The following OR10R2 variants were observed in gnomAD, a reference collection of about 807,000 sequenced individuals.
The protein encoded by OR10R2 is olfactory receptor family 10 subfamily R member 2, also known as olfactory receptor 10R2.
A neutral mutation model predicts 2.4 loss-of-function variants in OR10R2; 1 was observed. That is an observed-to-expected ratio of 0.41 (90% CI 0.15 to 1.95). The LOEUF is 1.95. Among genes scored for constraint, OR10R2 ranks in the 30% most tolerant of loss-of-function variants. The pLI is 0.30. For missense variants in OR10R2, 419 were observed against 373.0 expected, an observed-to-expected ratio of 1.12 and a Z score of -1.01; for synonymous variants, 166 against 144.8, an observed-to-expected ratio of 1.15 and a Z score of -1.05.
chr1:158,472,920 T>C (rs1480726724), intron 1 of OR10R2, among the ~76,000 whole-genome samples: 1 of 152,224 alleles, frequency 6.6e-6, no homozygotes, highest in Non-Finnish European at 1.5e-5. Context: ...AATTCTGGGC[T>C]ACATTTTTTA....
At chr1:158,474,527 A>G (rs899198327) in intron 1 of OR10R2, 1 of 152,236 alleles carries the variant, frequency 6.6e-6, no homozygotes, top group Admixed American at 6.5e-5. Context: ...TTCTGGCTCT[A>G]GAGAGGAATC....
intron 1 of OR10R2, among the ~76,000 whole-genome samples, chr1:158,476,249 TA>T (rs76215055): frequency 1.3e-5 from 2 of 152,208 alleles, no homozygotes; most frequent in South Asian, 2.1e-4. Flanking sequence ...CTATATTTTT[TA>T]AAAAAAATTT....
chr1:158,472,258 C>T (rs1656179832), exon 1 of OR10R2: 1 of 398,602 alleles, frequency 2.5e-6, no homozygotes. Flanking sequence ...TAATGTGAAC[C>T]AGAAAAAAAG....
chr1:158,480,577 A>G (rs762191293), exon 2 of OR10R2: 1 of 1,613,424 alleles, frequency 6.2e-7, no homozygotes, highest in African/African-American at 1.3e-5. Context: ...CTTTCTGTTT[A>G]TCTGTGTTTC....
intron 1 of OR10R2, 114 bp downstream of exon 1, chr1:158,472,466 G>C (rs138201625): frequency 0.014 from 5,510 of 397,634 alleles, 76 homozygotes; most frequent in South Asian, 0.077. Flanking sequence ...TAAAGGGCCT[G>C]GGCCATGATT....
At chr1:158,474,243 C>A (rs192730518) in intron 1 of OR10R2, among the ~76,000 whole-genome samples, 1 of 152,192 alleles carries the variant, frequency 6.6e-6, no homozygotes, top group African/African-American at 2.4e-5. Flanking sequence ...CAATGCCATG[C>A]CTCCTATTCT....
chr1:158,476,696 A>T lies in OR10R2; in HGVS notation c.28-3242A>T, dbSNP rs186945351. On this transcript the variant is annotated intron_variant, in intron 1 of 1. Coordinates refer to ENST00000641067, the Ensembl canonical transcript of OR10R2. ...GATCAATGTTTGTGAGCACTTGGAT[A>T]GTCATGAATATGAATAAGATGAAAG... Among the ~76,000 whole-genome samples the T allele has an allele frequency of 3.8e-3, 580 of 152,328 alleles. 3 individuals carry two copies. The highest frequency in any genetic ancestry group is 0.013 in the African/African-American group (547 of 41,588).
At chr1:158,479,077 A>G (rs1366552670) in intron 1 of OR10R2, among the ~76,000 whole-genome samples, 1 of 152,178 alleles carries the variant, frequency 6.6e-6, no homozygotes, top group Non-Finnish European at 1.5e-5. Flanking sequence ...TCTATCAACA[A>G]TCTTCAAAGA....
intron 1 of OR10R2, among the ~76,000 whole-genome samples, chr1:158,473,277 A>AAAAACT (rs1207189923): frequency 6.6e-6 from 1 of 152,194 alleles, no homozygotes; most frequent in Non-Finnish European, 1.5e-5. Flanking sequence ...TGATACGGAA[A>AAAAACT]CTTTTGTCAA....
chr1:158,479,563 T>C (rs929622000), intron 1 of OR10R2, among the ~76,000 whole-genome samples: 4 of 152,198 alleles, frequency 2.6e-5, no homozygotes, highest in Non-Finnish European at 5.9e-5. Context: ...AAGATGTCTA[T>C]GTTTTAATCA....
chr1:158,480,034 T>C, exon 2 of OR10R2: 1 of 1,614,120 alleles, frequency 6.2e-7, no homozygotes, highest in African/African-American at 1.3e-5. Flanking sequence ...AGTTTTTCTT[T>C]TTCTGTATCT....
intron 1 of OR10R2, among the ~76,000 whole-genome samples, chr1:158,477,556 A>G (rs1368188085): frequency 6.6e-6 from 1 of 152,182 alleles, no homozygotes; most frequent in South Asian, 2.1e-4. Context: ...TATTTGAATA[A>G]CCACAAAGAA....
At chr1:158,480,699 T>C in exon 2 of OR10R2, 3 of 1,613,620 alleles carry the variant, frequency 1.9e-6, no homozygotes, top group Non-Finnish European at 2.5e-6. Context: ...ATTATGGCTG[T>C]GCTTCCTTCA....
intron 1 of OR10R2, among the ~76,000 whole-genome samples, chr1:158,478,610 T>C (rs778058369): frequency 5.3e-5 from 8 of 152,284 alleles, no homozygotes; most frequent in African/African-American, 1.7e-4. Flanking sequence ...TCATAAACCA[T>C]ACACAAAGTT....
rs779490007 is a variant in OR10R2, at chr1:158,480,595, T to G, written c.685T>G (p.Cys229Gly). Reference sequence around the variant, plus strand: ...TCTGTTTATCTGTGTTTCTTATCTCTGCATTCTGAGGACTATCCTGAAGAT... The same window carrying G: ...TCTGTTTATCTGTGTTTCTTATCTCGGCATTCTGAGGACTATCCTGAAGAT... The change falls in exon 2 of 2, where the codon TGC becomes GGC. Residue 229 changes from cysteine to glycine, a missense_variant. By Grantham distance (159) the Cys-to-Gly change is radical. Coordinates refer to ENST00000641067, the Ensembl canonical transcript of OR10R2. The G allele has an allele frequency of 4.3e-6, 7 of 1,613,578 alleles. No homozygotes were observed. The South Asian group carries it at 7.7e-5, about 18-fold the overall frequency.
chr1:158,480,373 G>C (rs773781604), exon 2 of OR10R2: 9 of 1,614,020 alleles, frequency 5.6e-6, no homozygotes, highest in Non-Finnish European at 7.6e-6. Flanking sequence ...AAAACTGGCA[G>C]CTGCCTGTGC....
rs774796265 is a variant in OR10R2 at position 158,480,819 on chromosome 1, C to A, written c.909C>A (p.Asn303Lys). The A allele has an allele frequency of 6.2e-6, 10 of 1,604,120 alleles. No homozygotes were observed. In the South Asian group the frequency reaches 1.1e-4, roughly 18 times the overall value. Residue 303 changes from asparagine to lysine, a missense_variant, in exon 2 of 2, where the codon AAC (asparagine) becomes AAA (lysine). Asn to Lys is a moderately conservative substitution (Grantham distance 94, BLOSUM62 0). Transcript: ENST00000641067. ...ACCCCATGGTTTATAGCCTCAGAAA[C>A]AAGGATGTCCAACTTGCTATCAGAA...
At chr1:158,474,838 T>C (rs1324591743) in intron 1 of OR10R2, among the ~76,000 whole-genome samples, 1 of 152,182 alleles carries the variant, frequency 6.6e-6, no homozygotes. Flanking sequence ...ACTGCTGGGG[T>C]TGAAACCTAA....
At chr1:158,480,087 C>T in exon 2 of OR10R2, 3 of 1,613,822 alleles carry the variant, frequency 1.9e-6, no homozygotes, top group South Asian at 1.1e-5. Flanking sequence ...GTGTCATCCA[C>T]CTGGATAAAA....
Sources: gnomAD v4.1 joint callset for allele counts (sites outside exome capture counted in the v4.1 genomes callset) on GRCh38, gnomAD v4.1.1 for gene constraint, MANE v1.5 for transcripts, NCBI Gene and HGNC (gene_info 2026-07-23, HGNC 2026-07-21) for gene names.